NXPH1: variants seen among roughly 807,000 people sequenced by gnomAD.
NXPH1 encodes the protein neurexophilin-1.
A neutral mutation model predicts 23.7 loss-of-function variants in NXPH1; 5 were observed. The observed-to-expected ratio is 0.21, with a 90% CI of 0.11 to 0.44. The LOEUF is 0.44. NXPH1 is among the 20% of genes least tolerant of loss of function. The pLI is 0.99. For missense variants in NXPH1, 324 were observed against 321.6 expected, an observed-to-expected ratio of 1.01 and a Z score of -0.06; for synonymous variants, 144 against 122.2, an observed-to-expected ratio of 1.18 and a Z score of -1.18.
intron 2 of NXPH1, among the ~76,000 whole-genome samples, chr7:8,628,498 A>C (rs150214106): frequency 6.6e-6 from 1 of 152,130 alleles, no homozygotes; most frequent in East Asian, 1.9e-4. Flanking sequence ...AGGGACAAGA[A>C]TGTAGTTTCT....
At chr7:8,734,515 G>A (rs910877942) in intron 2 of NXPH1, among the ~76,000 whole-genome samples, 1 of 152,170 alleles carries the variant, frequency 6.6e-6, no homozygotes, top group Admixed American at 6.5e-5. Context: ...AGCATGGAAT[G>A]TTTTTCCCAT....
rs1780590880 is a variant in NXPH1, at chr7:8,752,944, C to T, written c.*1175C>T. The T allele has an allele frequency of 6.6e-6, 1 of 152,408 alleles. No homozygotes were observed. Among genetic ancestry groups the T allele is most frequent in the South Asian group, 2.1e-4 (1 of 4,828 alleles). The allele number at this position is 152,408 out of a possible 1,614,324, so 9.4% of individuals were successfully genotyped here. ...ATGAAATGTACATAAAAATAAAACA[C>T]TTAAAGTTGAGTTTCAATATGTACT... is the stretch of plus-strand genomic sequence containing the variant. On this transcript the variant is annotated 3_prime_UTR_variant, in exon 3 of 3. Transcript: ENST00000405863.
chr7:8,606,822 A>G (rs1258682630), intron 2 of NXPH1, among the ~76,000 whole-genome samples: 1 of 152,160 alleles, frequency 6.6e-6, no homozygotes, highest in East Asian at 1.9e-4. Flanking sequence ...TACTTTCTGA[A>G]GAATCTAAAA....
intron 2 of NXPH1, among the ~76,000 whole-genome samples, chr7:8,599,023 T>C (rs1819294400): frequency 6.6e-6 from 1 of 152,168 alleles, no homozygotes; most frequent in Non-Finnish European, 1.5e-5. Flanking sequence ...AGGGGTATAA[T>C]TGGATGAATC....
chr7:8,505,224 C>G (rs1817503481), intron 2 of NXPH1, among the ~76,000 whole-genome samples: 1 of 152,002 alleles, frequency 6.6e-6, no homozygotes, highest in Non-Finnish European at 1.5e-5. Context: ...ACCCTTAACT[C>G]TCTGTTTCTA....
intron 2 of NXPH1, among the ~76,000 whole-genome samples, chr7:8,733,283 G>C (rs1780190250): frequency 6.6e-6 from 1 of 152,140 alleles, no homozygotes; most frequent in Admixed American, 6.5e-5. Flanking sequence ...TATCATTGAT[G>C]GGCATTTCTG....
intron 2 of NXPH1, among the ~76,000 whole-genome samples, chr7:8,727,351 A>G (rs1780074311): frequency 7.2e-6 from 1 of 138,796 alleles, no homozygotes; most frequent in Non-Finnish European, 1.5e-5. Context: ...ATTAGATCCC[A>G]TTTGTCAATT....
intron 2 of NXPH1, among the ~76,000 whole-genome samples, chr7:8,626,977 T>C (rs1044947401): frequency 2.6e-5 from 4 of 152,152 alleles, no homozygotes; most frequent in African/African-American, 9.6e-5. Context: ...TCTCTGGGTG[T>C]TCTTTGAATA....
intron 2 of NXPH1, among the ~76,000 whole-genome samples, chr7:8,528,871 A>G (rs1180100328): frequency 6.6e-6 from 1 of 152,260 alleles, no homozygotes; most frequent in African/African-American, 2.4e-5. Context: ...AGTTTAAAAC[A>G]ACACATATTT....
intron 2 of NXPH1, among the ~76,000 whole-genome samples, chr7:8,552,468 G>T (rs1818294381): frequency 6.6e-6 from 1 of 151,358 alleles, no homozygotes; most frequent in African/African-American, 2.4e-5. Context: ...ACAGCAATCA[G>T]ATGTCAAGGT....
At chr7:8,582,210 A>G (rs1363430116) in intron 2 of NXPH1, among the ~76,000 whole-genome samples, 1 of 152,222 alleles carries the variant, frequency 6.6e-6, no homozygotes, top group Non-Finnish European at 1.5e-5. Flanking sequence ...CGGGAATCAC[A>G]GAGCCCCAAA....
chr7:8,635,806 A>T (rs1379319829), intron 2 of NXPH1, among the ~76,000 whole-genome samples: 1 of 152,218 alleles, frequency 6.6e-6, no homozygotes, highest in Admixed American at 6.5e-5. Flanking sequence ...CAATTAAAAA[A>T]GTTTGGTCCA....
At chr7:8,469,995 C>T (rs149311376) in intron 2 of NXPH1, among the ~76,000 whole-genome samples, 1 of 152,186 alleles carries the variant, frequency 6.6e-6, no homozygotes, top group Non-Finnish European at 1.5e-5. Flanking sequence ...TTCTACTAAA[C>T]TGACCTCCAA....
At chr7:8,666,755 G>A (rs73241713) in intron 2 of NXPH1, among the ~76,000 whole-genome samples, 9,913 of 152,020 alleles carry the variant, frequency 0.065, 702 homozygotes, top group East Asian at 0.25. Flanking sequence ...TTCAGTTTTA[G>A]TAGGTAGTGT....
At chr7:8,448,137 T>C (rs540819407) in intron 2 of NXPH1, among the ~76,000 whole-genome samples, 1 of 152,368 alleles carries the variant, frequency 6.6e-6, no homozygotes, top group East Asian at 1.9e-4. Context: ...TCTGTGACTT[T>C]GGGCAAGCTT....
intron 2 of NXPH1, among the ~76,000 whole-genome samples, chr7:8,722,328 A>T (rs1261943796): frequency 6.6e-6 from 1 of 152,192 alleles, no homozygotes; most frequent in East Asian, 1.9e-4. Context: ...GATTTTGGGA[A>T]ACACATATAA....
chr7:8,541,177 C>A (rs1382404635), intron 2 of NXPH1, among the ~76,000 whole-genome samples: 2 of 151,656 alleles, frequency 1.3e-5, no homozygotes, highest in East Asian at 2.0e-4. Context: ...GTAGTCATTA[C>A]AACTCTATCC....
chr7:8,694,914 G>A (rs1187698711), intron 2 of NXPH1, among the ~76,000 whole-genome samples: 1 of 152,158 alleles, frequency 6.6e-6, no homozygotes. Context: ...CAGGATTTGG[G>A]ATTCTGTGGA....
At chr7:8,701,114 A>G (rs1338626385) in intron 2 of NXPH1, among the ~76,000 whole-genome samples, 1 of 152,070 alleles carries the variant, frequency 6.6e-6, no homozygotes, top group Non-Finnish European at 1.5e-5. Context: ...GTTAATGTAT[A>G]TAAGGCATAT....
Sources: allele counts gnomAD v4.1 joint callset (sites outside exome capture counted in the v4.1 genomes callset), GRCh38; gene constraint gnomAD v4.1.1; transcripts MANE v1.5; gene names NCBI Gene and HGNC (gene_info 2026-07-23, HGNC 2026-07-21).